Variants in ACSM3 observed in about 807,000 individuals in gnomAD.
ACSM3 encodes the protein acyl-CoA synthetase medium chain family member 3, also known as acyl-coenzyme A synthetase ACSM3, mitochondrial.
ACSM3 carries 61 observed loss-of-function variants against 74.1 expected under a neutral mutation model. The ratio of observed to expected loss-of-function variants is 0.82; its 90% CI spans 0.67 to 1.02. The LOEUF (loss-of-function observed/expected upper bound fraction) is 1.02. Ranked by LOEUF, ACSM3 falls within the 50% of genes least tolerant of loss-of-function variation. ACSM3 has a pLI of 0.00. For synonymous variants in ACSM3, 213 were observed against 241.5 expected, an observed-to-expected ratio of 0.88 and a Z score of 1.09; for missense variants, 660 against 697.0, an observed-to-expected ratio of 0.95 and a Z score of 0.60.
intron 1 of ACSM3, chr16:20,737,388 A>C: frequency 1.7e-6 from 2 of 1,193,480 alleles, no homozygotes; most frequent in Non-Finnish European, 2.3e-6. Flanking sequence ...CAAGACATAC[A>C]GTAATCCACT....
At chr16:20,735,878 A>C (rs2079864724) in intron 1 of ACSM3, 1 of 152,204 alleles carries the variant, frequency 6.6e-6, no homozygotes, top group African/African-American at 2.4e-5. Context: ...TTTGTACTGC[A>C]TCTTGCCCCA....
chr16:20,741,481 G>GGGGGGGGGCCCCCCC, intron 1 of ACSM3: 2 of 1,308,414 alleles, frequency 1.5e-6, no homozygotes, highest in Non-Finnish European at 2.0e-6. Context: ...CTGGCAGCCG[G>GGGGGGGGGCCCCCCC]CCCGCCCGCC....
rs574186089 is a variant in ACSM3, at chr16:20,686,632, T to C, written c.-190+11810T>C. 6.4e-4 allele frequency among the ~76,000 whole-genome samples: 97 copies of C among 151,812 alleles called. 1 individual carries two copies. The highest frequency in any genetic ancestry group is 2.2e-3 in the African/African-American group (90 of 41,414). The stretch of plus-strand genomic sequence containing the variant: ...TGCACTTGTATCCCGGAACTTAAAG[T>C]AAAATAAAAATAAATAAATAAAAGC... On this transcript the variant is annotated intron_variant, in intron 1 of 3. Coordinates refer to the ACSM3 transcript ENST00000561584.
intron 1 of ACSM3, among the ~76,000 whole-genome samples, chr16:20,714,954 ATG>A (rs1264372374): frequency 6.6e-6 from 1 of 152,210 alleles, no homozygotes; most frequent in African/African-American, 2.4e-5. Context: ...ACAGATTGTG[ATG>A]TCTTTTCTTT....
At chr16:20,741,479 C>CGGGGGGGGGGGGGGGGGGGGGGGGGG in intron 1 of ACSM3, 1 of 1,329,524 alleles carries the variant, frequency 7.5e-7, no homozygotes, top group Non-Finnish European at 9.8e-7. Flanking sequence ...GCCTGGCAGC[C>CGGGGGGGGGGGGGGGGGGGGGGGGGG]GGCCCGCCCG....
intron 1 of ACSM3, among the ~76,000 whole-genome samples, chr16:20,738,490 T>A (rs1567331067): frequency 1.3e-5 from 2 of 152,162 alleles, no homozygotes; most frequent in Non-Finnish European, 2.9e-5. Context: ...TATTTGGGGC[T>A]GCTCCGAAAA....
chr16:20,704,516 TAG>T (rs2079721650), intron 1 of ACSM3, among the ~76,000 whole-genome samples: 4 of 152,316 alleles, frequency 2.6e-5, no homozygotes, highest in Admixed American at 2.6e-4. Context: ...TTTTGATTTC[TAG>T]AGTCAACATG....
chr16:20,785,975 C>A, intron 8 of ACSM3, 103 bp from the exon 9 acceptor site: 2 of 724,844 alleles, frequency 2.8e-6, no homozygotes, highest in Non-Finnish European at 4.4e-6. Flanking sequence ...GAGCCTAGTT[C>A]ATAGTAAGTT....
At chr16:20,765,015 A>C (rs913796768) in intron 1 of ACSM3, among the ~76,000 whole-genome samples, 1 of 152,160 alleles carries the variant, frequency 6.6e-6, no homozygotes, top group African/African-American at 2.4e-5. Context: ...ATGTTAAACT[A>C]CTGTTATTAC....
At chr16:20,776,448 G>A (rs2071524) in intron 3 of ACSM3, among the ~76,000 whole-genome samples, 20,224 of 152,104 alleles carry the variant, frequency 0.13, 1,405 homozygotes, top group East Asian at 0.21. Context: ...CTACTGTGTC[G>A]CCTGGGAAGA....
Position 20,769,971 on chromosome 16 carries a change from G to T in ACSM3, c.-51-13G>T. On this transcript the variant is annotated splice_polypyrimidine_tract_variant and intron_variant, in intron 1 of 13. Coordinates refer to ENST00000289416, the MANE Select transcript of ACSM3 (RefSeq NM_005622.4). ...ACAGAAACAAATATATGTCCTTTTT[G>T]CTTGTCTTTTAGATGAACTGGTCTC... The T allele has an allele frequency of 3.3e-5, 50 of 1,529,498 alleles. No individual in the cohort carries two copies. The Admixed American group carries it at 3.4e-4, about 10-fold the overall frequency. The allele number at this position is 1,529,498 out of a possible 1,614,324, so 94.7% of individuals were successfully genotyped here. A position where few individuals can be genotyped will look rare whatever the true frequency, so the allele number is the denominator to read the frequency against.
In ACSM3 at chr16:20,789,623, C is replaced by T. The variant is rs552465018; in HGVS notation, c.1225-964C>T. 590 of 1,112,686 alleles carry T rather than the reference C, an allele frequency of 5.3e-4. 10 individuals are homozygous for T. The South Asian group carries it at 7.3e-3, about 14-fold the overall frequency. The allele number at this position is 1,112,686 out of a possible 1,614,324, so 68.9% of individuals were successfully genotyped here. A position where few individuals can be genotyped will look rare whatever the true frequency, so the allele number is the denominator to read the frequency against. On this transcript the variant is annotated intron_variant, in intron 9 of 13. Coordinates refer to ENST00000289416, the MANE Select transcript of ACSM3 (RefSeq NM_005622.4). ...ATCAAGAGGAAAAGATAATCAAGAC[C>T]TATTGCTAAATGATAAAAGCAGGTT...
intron 12 of ACSM3, chr16:20,792,698 G>C: frequency 1.0e-6 from 1 of 985,412 alleles, no homozygotes; most frequent in African/African-American, 1.7e-5. Context: ...GGAAACCAAC[G>C]AGGTCCCTGG....
intron 4 of ACSM3, 180 bp from the exon 5 acceptor site, chr16:20,780,534 C>G: frequency 7.7e-7 from 1 of 1,297,994 alleles, no homozygotes; most frequent in South Asian, 1.5e-5. Flanking sequence ...AGTTTTGATT[C>G]TAGAAAGCAC....
chr16:20,701,796 G>C lies in ACSM3; in HGVS notation c.-190+26974G>C, dbSNP rs2079713507. Among the ~76,000 whole-genome samples the C allele has an allele frequency of 2.0e-5, 3 of 152,228 alleles. No homozygotes were observed. In the South Asian group the frequency reaches 6.2e-4, roughly 32 times the overall value. On this transcript the variant is annotated intron_variant, in intron 1 of 3. Transcript: ENST00000561584. ...TTATCAGTGAGAACATGCAGTGTTT[G>C]GTTTTCTGTTCCTGTGTTAGTTTGC...
intron 1 of ACSM3, among the ~76,000 whole-genome samples, chr16:20,691,428 G>A (rs185402089): frequency 6.6e-6 from 1 of 152,224 alleles, no homozygotes; most frequent in African/African-American, 2.4e-5. Flanking sequence ...AAAACGCTGG[G>A]GAGGTTATAT....
chr16:20,764,764 T>A (rs1263139593), intron 1 of ACSM3: 1 of 152,236 alleles, frequency 6.6e-6, no homozygotes, highest in Non-Finnish European at 1.5e-5. Flanking sequence ...CATTGTACTG[T>A]CTGCTTAGCT....
In ACSM3 at chr16:20,684,530, T is replaced by C. The variant is rs1596951738; in HGVS notation, c.-190+9708T>C. Among the ~76,000 whole-genome samples the C allele has an allele frequency of 4.6e-5, 7 of 152,340 alleles. No individual in the cohort carries two copies. The South Asian group carries it at 1.4e-3, about 32-fold the overall frequency. ...ATTCTCCTGCCTAACGTGTCTAATC[T>C]GAATATAATCACAAAGAAAGAGTCA... On this transcript the variant is annotated intron_variant, in intron 1 of 3. Coordinates refer to the ACSM3 transcript ENST00000561584.
intron 1 of ACSM3, among the ~76,000 whole-genome samples, chr16:20,718,020 G>C (rs974065530): frequency 4.1e-5 from 6 of 147,138 alleles, no homozygotes; most frequent in Non-Finnish European, 7.5e-5. Context: ...AGAAGAAGAA[G>C]AAGAAGAAAA....
Sources: gnomAD v4.1 joint callset for allele counts (sites outside exome capture counted in the v4.1 genomes callset) on GRCh38, gnomAD v4.1.1 for gene constraint, MANE v1.5 for transcripts, NCBI Gene and HGNC (gene_info 2026-07-23, HGNC 2026-07-21) for gene names.